The following CCAR1 variants were observed in gnomAD, a reference collection of about 807,000 sequenced individuals.
CCAR1 encodes cell division cycle and apoptosis regulator 1.
A neutral mutation model predicts 163.8 loss-of-function variants in CCAR1; 78 were observed. The ratio of observed to expected loss-of-function variants is 0.48; its 90% confidence interval spans 0.40 to 0.57. The LOEUF is 0.57. CCAR1 is among the 20% of genes least tolerant of loss of function. The probability of loss-of-function intolerance (pLI) is 0.00; values close to 1 mark genes in which losing one functional copy is unlikely to be tolerated. For synonymous variants in CCAR1, 443 were observed against 460.7 expected (o/e 0.96, Z 0.49); for missense variants, 1,019 against 1,365.2 (o/e 0.75, Z 4.00).
At chr10:68,785,165 C>T (rs1406010210) in intron 19 of CCAR1, among the ~76,000 whole-genome samples, 2 of 151,804 alleles carry the variant, frequency 1.3e-5, no homozygotes, top group Non-Finnish European at 2.9e-5. Context: ...GATCCGCCCA[C>T]CTCGGCCTCC....
intron 2 of CCAR1, among the ~76,000 whole-genome samples, chr10:68,730,526 CAG>C (rs1237813791): frequency 2.7e-5 from 4 of 150,878 alleles, no homozygotes; most frequent in Non-Finnish European, 4.4e-5. Flanking sequence ...TTAGTAGAGA[CAG>C]GGTTTCACCA....
At chr10:68,747,592 A>G (rs755484882) in intron 8 of CCAR1, 26 bp downstream of exon 8, 1 of 1,590,032 alleles carries the variant, frequency 6.3e-7, no homozygotes, top group Non-Finnish European at 8.6e-7. Flanking sequence ...TTTCAGGCAA[A>G]TGTATAACTT....
intron 19 of CCAR1, among the ~76,000 whole-genome samples, chr10:68,779,340 C>A (rs1386204714): frequency 6.6e-6 from 1 of 151,880 alleles, no homozygotes; most frequent in African/African-American, 2.4e-5. Context: ...TCACTACAAC[C>A]CCTGTCTCCC....
intron 1 of CCAR1, among the ~76,000 whole-genome samples, chr10:68,722,238 T>C (rs1458932598): frequency 2.0e-5 from 3 of 152,212 alleles, no homozygotes; most frequent in Non-Finnish European, 4.4e-5. Context: ...TCTAATGTTA[T>C]CTTGTAAAAT....
chr10:68,758,615 GTATA>G (rs150136958), intron 15 of CCAR1, among the ~76,000 whole-genome samples: 1,199 of 105,506 alleles, frequency 0.011, 29 homozygotes, highest in African/African-American at 0.033. Context: ...ATACGTGTGT[GTATA>G]TATATATATA....
At chr10:68,750,507 G>A (rs535184170) in intron 10 of CCAR1, among the ~76,000 whole-genome samples, 6 of 152,258 alleles carry the variant, frequency 3.9e-5, no homozygotes, top group Admixed American at 2.0e-4. Context: ...TTACAGGTGT[G>A]AGCTACTGCT....
intron 10 of CCAR1, among the ~76,000 whole-genome samples, chr10:68,751,820 C>T (rs1184414239): frequency 1.3e-5 from 2 of 151,024 alleles, no homozygotes; most frequent in African/African-American, 2.4e-5. Flanking sequence ...GCCGAGATTG[C>T]ACCACTGCAC....
chr10:68,726,403 G>A (rs1208935820), intron 2 of CCAR1, among the ~76,000 whole-genome samples: 2 of 151,772 alleles, frequency 1.3e-5, no homozygotes, highest in Non-Finnish European at 2.9e-5. Context: ...CGCCCACCTC[G>A]GCCTCCCAAA....
chr10:68,729,248 C>CT lies in CCAR1; in HGVS notation c.73+6677dup, dbSNP rs1564527648. Reference sequence around the variant, plus strand: ...TTGTAGCCAGGCGTGGTGACTTACTCTTTTTTGTTTTTTTGGGTTTTTTTG... The same window carrying CT: ...TTGTAGCCAGGCGTGGTGACTTACTCTTTTTTTGTTTTTTTGGGTTTTTTTG... On this transcript the variant is annotated intron_variant, in intron 2 of 24. Coordinates refer to ENST00000265872, the MANE Select transcript of CCAR1 (RefSeq NM_018237.4). 2.0e-5 allele frequency among the ~76,000 whole-genome samples: 3 copies of CT among 149,944 alleles called. No individual in the cohort carries two copies. In the South Asian group the frequency reaches 6.3e-4, roughly 32 times the overall value.
At chr10:68,723,216 G>C (rs1224992446) in intron 2 of CCAR1, among the ~76,000 whole-genome samples, 1 of 151,176 alleles carries the variant, frequency 6.6e-6, no homozygotes, top group Non-Finnish European at 1.5e-5. Context: ...CCGCCTCCCG[G>C]GTTCACGCCA....
At chr10:68,762,959 G>A (rs1485222871) in intron 16 of CCAR1, among the ~76,000 whole-genome samples, 1 of 152,082 alleles carries the variant, frequency 6.6e-6, no homozygotes, top group Admixed American at 6.6e-5. Context: ...GTCATAGAGA[G>A]TATTTTTGGG....
intron 15 of CCAR1, among the ~76,000 whole-genome samples, chr10:68,758,503 A>G (rs1352472174): frequency 8.0e-6 from 1 of 124,576 alleles, no homozygotes; most frequent in Non-Finnish European, 1.7e-5. Context: ...CATCCTGGGC[A>G]GTGTGTGTGT....
chr10:68,740,510 A>T, intron 4 of CCAR1, 119 bp from the exon 5 acceptor site: 2 of 848,214 alleles, frequency 2.4e-6, no homozygotes, highest in Non-Finnish European at 3.8e-6. Context: ...GTTTCTGTTT[A>T]AATACATAAA....
Position 68,791,252 on chromosome 10 carries a change from G to A in CCAR1, c.3439G>A (p.Gly1147Ser), listed in dbSNP as rs2056849180. The change falls in exon 25 of 25, where the codon GGT (glycine) becomes AGT (serine). Residue 1147 changes from glycine (G) to serine (S), a missense_variant. Coordinates refer to ENST00000265872, the MANE Select transcript of CCAR1 (RefSeq NM_018237.4). ...CAAAGATCAAAAATCCAAGGAGAAT[G>A]GTGCCAGTGTATGATAAAATCCATG... Reference protein sequence around the residue: ...EDKDQKSKENGASV With the variant: ...EDKDQKSKENSASV 1 of 1,599,120 alleles carries A rather than the reference G, an allele frequency of 6.3e-7. No homozygotes were observed. The highest frequency in any genetic ancestry group is 8.6e-7 in the Non-Finnish European group (1 of 1,168,550).
chr10:68,769,457 C>G (rs1020681206), intron 17 of CCAR1, among the ~76,000 whole-genome samples: 13 of 152,198 alleles, frequency 8.5e-5, no homozygotes, highest in Non-Finnish European at 1.0e-4. Flanking sequence ...CCCATCTCTA[C>G]TAAAAATACT....
rs751292083 is a variant in CCAR1, at chr10:68,737,825, AT to A, written c.247-11del. 3.9e-4 allele frequency: 587 copies of A among 1,517,276 alleles called. No homozygotes were observed. Among genetic ancestry groups the A allele is most frequent in the Admixed American group, 5.9e-4 (30 of 51,106 alleles). The allele number at this position is 1,517,276 out of a possible 1,614,324, so 94.0% of individuals were successfully genotyped here. A position where few individuals can be genotyped will look rare whatever the true frequency, so the allele number is the denominator to read the frequency against. ...TAGTGTCTGTATTTTTCTTTGAAAA[AT>A]TTTTTTTTAATCTTTCAGCAATATT... On this transcript the variant is annotated intron_variant, in intron 3 of 24. Transcript: ENST00000265872.
At chr10:68,788,414 A>T (rs2056819132) in intron 23 of CCAR1, 86 bp downstream of exon 23, 1 of 849,456 alleles carries the variant, frequency 1.2e-6, no homozygotes, top group Admixed American at 3.3e-5. Context: ...ATATATACGT[A>T]CCTGTGTACA....
intron 17 of CCAR1, among the ~76,000 whole-genome samples, chr10:68,768,146 G>A (rs1589181063): frequency 6.6e-6 from 1 of 152,140 alleles, no homozygotes; most frequent in East Asian, 1.9e-4. Context: ...GACCTTTGAG[G>A]ATTACTGAGG....
intron 4 of CCAR1, among the ~76,000 whole-genome samples, chr10:68,738,808 A>T (rs747921805): frequency 6.6e-6 from 1 of 152,166 alleles, no homozygotes; most frequent in Non-Finnish European, 1.5e-5. Flanking sequence ...GCACTTTGGG[A>T]GGCCAAGGCG....
Sources: gnomAD v4.1 joint callset for allele counts (sites outside exome capture counted in the v4.1 genomes callset) on GRCh38, gnomAD v4.1.1 for gene constraint, MANE v1.5 for transcripts, NCBI Gene and HGNC (gene_info 2026-07-23, HGNC 2026-07-21) for gene names.